The following PURG variants were observed in gnomAD, a reference collection of about 807,000 sequenced individuals.
PURG encodes the protein purine rich element binding protein G, also known as purine-rich element-binding protein gamma.
PURG carries 3 observed loss-of-function variants against 24.3 expected under a neutral mutation model. The ratio of observed to expected loss-of-function variants is 0.12; its 90% CI spans 0.06 to 0.32. PURG has a LOEUF of 0.32. Among genes scored for constraint, PURG ranks in the 10% least tolerant of loss-of-function variants. The pLI is 1.00. For missense variants in PURG, 371 were observed against 439.1 expected, an observed-to-expected ratio of 0.84 and a Z score of 1.39; for synonymous variants, 180 against 173.1, an observed-to-expected ratio of 1.04 and a Z score of -0.31.
At chr8:31,029,363 C>T (rs1811146458), downstream of PURG, among the ~76,000 whole-genome samples, 1 of 151,664 alleles carries the variant, frequency 6.6e-6, no homozygotes, top group African/African-American at 2.4e-5. Flanking sequence ...AATCTGGCTG[C>T]TTAACTAATT....
At chr8:31,005,095 C>A (rs1363459138) in intron 1 of PURG, among the ~76,000 whole-genome samples, 1 of 152,108 alleles carries the variant, frequency 6.6e-6, no homozygotes, top group Non-Finnish European at 1.5e-5. Context: ...AAAACATGGA[C>A]AATCTCAAAA....
At chr8:31,015,172 G>A (rs1239872667) in intron 1 of PURG, among the ~76,000 whole-genome samples, 1 of 152,184 alleles carries the variant, frequency 6.6e-6, no homozygotes, top group Non-Finnish European at 1.5e-5. Flanking sequence ...GGGAAAGGAA[G>A]ATGGGGAGTT....
downstream of PURG, among the ~76,000 whole-genome samples, chr8:31,027,915 T>G (rs1811120106): frequency 6.6e-6 from 1 of 151,792 alleles, no homozygotes; most frequent in South Asian, 2.1e-4. Flanking sequence ...TGACTGTTCA[T>G]AGGTTCCTTG....
intron 1 of PURG, among the ~76,000 whole-genome samples, chr8:31,024,459 C>G (rs1356202112): frequency 6.6e-6 from 1 of 152,090 alleles, no homozygotes; most frequent in Non-Finnish European, 1.5e-5. Context: ...AGAATTACGT[C>G]TTATTATTCT....
chr8:31,001,334 A>G (rs1349155502), intron 1 of PURG, among the ~76,000 whole-genome samples: 1 of 152,204 alleles, frequency 6.6e-6, no homozygotes. Context: ...GTTTTCTTTC[A>G]TTCAGTTGCT....
intron 1 of PURG, among the ~76,000 whole-genome samples, chr8:31,018,786 A>G (rs1810921324): frequency 6.6e-6 from 1 of 152,162 alleles, no homozygotes; most frequent in South Asian, 2.1e-4. Flanking sequence ...AATTAATTTA[A>G]TACTTCAATA....
intron 1 of PURG, among the ~76,000 whole-genome samples, chr8:31,025,114 G>C (rs917584444): frequency 3.3e-5 from 5 of 151,792 alleles, no homozygotes; most frequent in Admixed American, 1.3e-4. Flanking sequence ...TTATTTACTG[G>C]TGGATGTCAC....
intron 1 of PURG, among the ~76,000 whole-genome samples, chr8:31,009,753 G>C (rs975666712): frequency 5.9e-5 from 9 of 152,154 alleles, no homozygotes; most frequent in Admixed American, 4.6e-4. Flanking sequence ...CTGTAATGAT[G>C]GTACTGATGC....
At chr8:31,007,783 C>T (rs528790618) in intron 1 of PURG, among the ~76,000 whole-genome samples, 5 of 152,172 alleles carry the variant, frequency 3.3e-5, no homozygotes, top group South Asian at 2.1e-4. Context: ...ATACTTTTAG[C>T]GCTGCAGCAA....
In PURG at chr8:31,032,896, C is replaced by T. The variant is rs1419075925; in HGVS notation, c.-6-108G>A. The T allele has an allele frequency of 3.4e-6, 3 of 883,522 alleles. No individual in the cohort carries two copies. The highest frequency in any genetic ancestry group is 3.6e-5 in the East Asian group (1 of 27,428). The allele number at this position is 883,522 out of a possible 1,614,324, so 54.7% of individuals were successfully genotyped here. A position where few individuals can be genotyped will look rare whatever the true frequency, so the allele number is the denominator to read the frequency against. ...CCGCCGCCGCCCGCGACCCCCACGC[C>T]GGGCCCGGCTCCCCCGGCGCCGCAG... is the stretch of plus-strand genomic sequence containing the variant. On this transcript the variant is annotated intron_variant, in intron 1 of 1. Coordinates refer to ENST00000523392, the MANE Select transcript of PURG (RefSeq NM_001323311.2). The surrounding 1 kb of genome is among the most constrained non-coding windows in gnomAD (Gnocchi z 5.9).
chr8:31,032,364 T>C lies in PURG; in HGVS notation c.419A>G (p.His140Arg). ...GLKGHRQEHG[H>R]SKEQGSRRRQ... ...CCTTCTGGAGCCTTGCTCTTTGCTG[T>C]GGCCATGCTCTTGCCGGTGGCCTTT... Residue 140 changes from histidine (H) to arginine (R), a missense_variant, in exon 2 of 2, where the codon CAC becomes CGC. Physicochemically the swap from His to Arg is conservative, Grantham distance 29. This residue lies in a region of PURG where 213 missense variants were observed against 230.6 expected (regional missense o/e 0.92). Coordinates refer to ENST00000523392, the MANE Select transcript of PURG (RefSeq NM_001323311.2). The surrounding 1 kb of genome is among the most constrained non-coding windows in gnomAD (Gnocchi z 5.9). 6.2e-7 allele frequency: 1 copy of C among 1,613,440 alleles called. No homozygotes were observed. Among genetic ancestry groups the C allele is most frequent in the African/African-American group, 1.3e-5 (1 of 75,014 alleles).
chr8:31,017,385 T>C (rs964234353), intron 1 of PURG, among the ~76,000 whole-genome samples: 1 of 150,656 alleles, frequency 6.6e-6, no homozygotes, highest in African/African-American at 2.4e-5. Context: ...GTTTAATATA[T>C]ATTACACATA....
At position 31,032,444 on chromosome 8, in the gene PURG, C is replaced by T. The variant is rs764191371; in HGVS notation, c.339G>A (p.Ala113=). Residue 113 remains alanine, a synonymous_variant, in exon 2 of 2, where the codon GCG becomes GCA. Transcript: ENST00000523392. This position sits in a 1 kb window ranked among gnomAD's most constrained non-coding sequence, Gnocchi z 5.9. ...AGTCCCCTAGACAGTCCTTCAGCTC[C>T]GCTGCCACAGACAGGGAGAGGGTCA... ...SKLTLSLSVA[A]ELKDCLGDFI... is the part of the protein sequence containing the mutation. 20 of 1,614,062 alleles carry T rather than the reference C, an allele frequency of 1.2e-5. 1 individual carries two copies. In the South Asian group the frequency reaches 1.8e-4, roughly 14 times the overall value.
At chr8:30,997,888 T>A (rs1178109126) in intron 1 of PURG, among the ~76,000 whole-genome samples, 3 of 151,754 alleles carry the variant, frequency 2.0e-5, no homozygotes, top group Non-Finnish European at 4.4e-5. Context: ...CAGCAGCACA[T>A]CCATGTTGAT....
chr8:31,019,235 A>G (rs1226048015), intron 1 of PURG, among the ~76,000 whole-genome samples: 2 of 138,202 alleles, frequency 1.4e-5, no homozygotes, highest in Non-Finnish European at 3.1e-5. Flanking sequence ...AGTACAGAAT[A>G]TCTACAAGGT....
intron 1 of PURG, among the ~76,000 whole-genome samples, chr8:31,009,989 C>T (rs1810734518): frequency 6.6e-6 from 1 of 152,030 alleles, no homozygotes; most frequent in African/African-American, 2.4e-5. Flanking sequence ...ACCAGCTACT[C>T]AGGAGTCTGA....
chr8:31,012,852 A>G (rs1810789872), intron 1 of PURG, among the ~76,000 whole-genome samples: 2 of 152,232 alleles, frequency 1.3e-5, no homozygotes, highest in South Asian at 4.1e-4. Context: ...AAATTTCTGA[A>G]TGATTGAAAT....
At chr8:31,022,652 G>T (rs1811018812) in intron 1 of PURG, among the ~76,000 whole-genome samples, 1 of 152,236 alleles carries the variant, frequency 6.6e-6, no homozygotes, top group African/African-American at 2.4e-5. Flanking sequence ...CAGGAGGGAA[G>T]AAGGAAAGAG....
At chr8:31,003,779 C>CA (rs1333761497) in intron 1 of PURG, among the ~76,000 whole-genome samples, 3 of 151,368 alleles carry the variant, frequency 2.0e-5, no homozygotes, top group South Asian at 2.1e-4. Flanking sequence ...AACCAAAAAA[C>CA]AAAAAAACAA....
Sources: allele counts gnomAD v4.1 joint callset (sites outside exome capture counted in the v4.1 genomes callset), GRCh38; gene constraint gnomAD v4.1.1; regional missense constraint gnomAD v4.1.1; non-coding constraint Gnocchi (gnomAD v3.1); transcripts MANE v1.5; gene names NCBI Gene and HGNC (gene_info 2026-07-23, HGNC 2026-07-21).